Variants in CAMK4 observed in about 807,000 individuals in gnomAD.
CAMK4 encodes the protein calcium/calmodulin dependent protein kinase IV, also known as calcium/calmodulin-dependent protein kinase type IV.
Under a neutral mutation model 44.9 loss-of-function variants are expected in CAMK4, and 22 were observed. The ratio of observed to expected loss-of-function variants is 0.49; its 90% CI spans 0.35 to 0.70. CAMK4 has a LOEUF of 0.70. Among genes scored for constraint, CAMK4 ranks in the 30% least tolerant of loss-of-function variants. The pLI is 0.01. For missense variants in CAMK4, 498 were observed against 586.8 expected, an observed-to-expected ratio of 0.85 and a Z score of 1.56; for synonymous variants, 218 against 215.4, an observed-to-expected ratio of 1.01 and a Z score of -0.11.
intron 5 of CAMK4, among the ~76,000 whole-genome samples, chr5:111,430,140 C>T (rs1753388898): frequency 6.6e-6 from 1 of 152,100 alleles, no homozygotes. Context: ...GAATTTATCC[C>T]TGGGATACAA....
At chr5:111,369,173 T>C (rs1580661902) in intron 2 of CAMK4, among the ~76,000 whole-genome samples, 2 of 151,730 alleles carry the variant, frequency 1.3e-5, no homozygotes, top group Non-Finnish European at 2.9e-5. Flanking sequence ...TCAAGTGATC[T>C]TTCTGCCTCA....
intron 1 of CAMK4, among the ~76,000 whole-genome samples, chr5:111,310,525 G>A (rs746758618): frequency 6.6e-6 from 1 of 152,130 alleles, no homozygotes; most frequent in Non-Finnish European, 1.5e-5. Flanking sequence ...AAAAGAAGAT[G>A]TCGCTTTAGG....
At chr5:111,451,557 G>T (rs1354660551) in intron 7 of CAMK4, among the ~76,000 whole-genome samples, 2 of 151,958 alleles carry the variant, frequency 1.3e-5, no homozygotes, top group East Asian at 1.9e-4. Context: ...CAAAGTGCTG[G>T]GATTACAGGC....
intron 1 of CAMK4, among the ~76,000 whole-genome samples, chr5:111,235,223 C>A (rs1243057664): frequency 1.3e-5 from 2 of 152,076 alleles, no homozygotes; most frequent in Non-Finnish European, 2.9e-5. Flanking sequence ...TCTTTAGTTG[C>A]GAAAACTGCT....
chr5:111,408,202 A>G (rs1380665508), intron 5 of CAMK4, among the ~76,000 whole-genome samples: 2 of 152,170 alleles, frequency 1.3e-5, no homozygotes, highest in African/African-American at 2.4e-5. Flanking sequence ...CTTTCTTTTT[A>G]TAAGTGTTTC....
intron 2 of CAMK4, among the ~76,000 whole-genome samples, chr5:111,353,283 G>C (rs137925247): frequency 5.3e-5 from 8 of 151,508 alleles, no homozygotes; most frequent in Non-Finnish European, 1.0e-4. Flanking sequence ...CTGAGGCTCA[G>C]AGAGGCTAGC....
intron 1 of CAMK4, among the ~76,000 whole-genome samples, chr5:111,250,060 A>G (rs1011910017): frequency 1.3e-5 from 2 of 152,152 alleles, no homozygotes; most frequent in African/African-American, 4.8e-5. Flanking sequence ...CCCCAGGACT[A>G]CCTGATTATC....
intron 7 of CAMK4, among the ~76,000 whole-genome samples, chr5:111,451,405 C>G (rs1209355572): frequency 6.6e-6 from 1 of 152,000 alleles, no homozygotes; most frequent in Non-Finnish European, 1.5e-5. Flanking sequence ...TCAATTGATT[C>G]TCATTCCTCA....
At chr5:111,453,921 C>T (rs2112987188) in intron 7 of CAMK4, among the ~76,000 whole-genome samples, 1 of 152,232 alleles carries the variant, frequency 6.6e-6, no homozygotes, top group Non-Finnish European at 1.5e-5. Context: ...AATATCCCCT[C>T]CTGGGGTGTG....
intron 2 of CAMK4, 86 bp from the exon 3 acceptor site, chr5:111,374,764 C>T: frequency 2.4e-6 from 2 of 818,956 alleles, no homozygotes; most frequent in South Asian, 1.4e-5. Context: ...GCCTGATTCA[C>T]CCAGGTAGTT....
rs561537794 is a variant in CAMK4, at chr5:111,439,953, C to A, written c.460-6733C>A. On this transcript the variant is annotated intron_variant, in intron 5 of 10. Coordinates refer to ENST00000282356, the MANE Select transcript of CAMK4 (RefSeq NM_001744.6). ...GAACAGGGTATTGGGTTTGATAGGA[C>A]AAAAATAAGATTATAGTGTGTTAAA... is the stretch of plus-strand genomic sequence containing the variant. Among the ~76,000 whole-genome samples the A allele has an allele frequency of 6.6e-5, 10 of 151,782 alleles. No individual in the cohort carries two copies. In the South Asian group the frequency reaches 2.1e-3, roughly 32 times the overall value.
intron 7 of CAMK4, among the ~76,000 whole-genome samples, chr5:111,455,535 C>G (rs574851558): frequency 6.6e-6 from 1 of 152,310 alleles, no homozygotes; most frequent in African/African-American, 2.4e-5. Context: ...TTAAAACTAT[C>G]CTTGAATGAT....
intron 1 of CAMK4, among the ~76,000 whole-genome samples, chr5:111,314,786 A>T (rs1748351617): frequency 6.6e-6 from 1 of 152,118 alleles, no homozygotes; most frequent in African/African-American, 2.4e-5. Flanking sequence ...ATTACAAATG[A>T]AGAAAGCTGA....
intron 5 of CAMK4, among the ~76,000 whole-genome samples, chr5:111,414,492 A>T (rs1163000968): frequency 6.6e-6 from 1 of 152,228 alleles, no homozygotes; most frequent in African/African-American, 2.4e-5. Context: ...AATATCAAAG[A>T]TACGGCAAAA....
At chr5:111,377,713 AAAG>A (rs1751267901) in intron 4 of CAMK4, among the ~76,000 whole-genome samples, 1 of 152,154 alleles carries the variant, frequency 6.6e-6, no homozygotes, top group South Asian at 2.1e-4. Flanking sequence ...AATGGACTTT[AAAG>A]AAGACAAAGA....
At chr5:111,352,534 C>A (rs1378642099) in intron 2 of CAMK4, among the ~76,000 whole-genome samples, 1 of 151,572 alleles carries the variant, frequency 6.6e-6, no homozygotes, top group Non-Finnish European at 1.5e-5. Context: ...TTATAATGAG[C>A]ACAAATTTAC....
At chr5:111,481,177 T>A (rs933456348) in intron 9 of CAMK4, among the ~76,000 whole-genome samples, 1 of 152,216 alleles carries the variant, frequency 6.6e-6, no homozygotes, top group African/African-American at 2.4e-5. Flanking sequence ...TGACTTTCAA[T>A]AAATTCTTTG....
chr5:111,388,406 G>A (rs1369719950), intron 4 of CAMK4, among the ~76,000 whole-genome samples: 1 of 152,136 alleles, frequency 6.6e-6, no homozygotes, highest in Admixed American at 6.6e-5. Flanking sequence ...TATCCAGCAA[G>A]TACCTGGCTC....
intron 1 of CAMK4, among the ~76,000 whole-genome samples, chr5:111,235,660 T>C (rs764903838): frequency 1.3e-5 from 2 of 152,192 alleles, no homozygotes; most frequent in Non-Finnish European, 2.9e-5. Flanking sequence ...TTCAGGATGA[T>C]CTCCAGAAAA....
Sources: gnomAD v4.1 joint callset for allele counts (sites outside exome capture counted in the v4.1 genomes callset) on GRCh38, gnomAD v4.1.1 for gene constraint, MANE v1.5 for transcripts, NCBI Gene and HGNC (gene_info 2026-07-23, HGNC 2026-07-21) for gene names.